IQCJ: variants seen among roughly 807,000 people sequenced by gnomAD.
IQCJ encodes the protein IQ domain-containing protein J.
Under a neutral mutation model 11.0 loss-of-function variants are expected in IQCJ, and 9 were observed. The ratio of observed to expected loss-of-function variants is 0.82; its 90% CI spans 0.49 to 1.43. The LOEUF (loss-of-function observed/expected upper bound fraction) is 1.43. Among genes scored for constraint, IQCJ ranks in the 40% most tolerant of loss-of-function variants. The pLI is 0.00. For synonymous variants in IQCJ, 55 were observed against 51.3 expected (o/e 1.07, Z -0.31); for missense variants, 146 against 133.2 (o/e 1.10, Z -0.47).
chr3:159,257,504 G>A (rs1188921331), intron 3 of IQCJ, among the ~76,000 whole-genome samples: 6 of 152,160 alleles, frequency 3.9e-5, no homozygotes, highest in Non-Finnish European at 7.3e-5. Context: ...GCCCTGGTGC[G>A]TAGGAAGCAT....
chr3:159,244,592 C>A (rs1727136585), intron 1 of IQCJ, among the ~76,000 whole-genome samples: 1 of 152,062 alleles, frequency 6.6e-6, no homozygotes, highest in Non-Finnish European at 1.5e-5. Flanking sequence ...TTAGTTAGAA[C>A]AACATAATTA....
chr3:159,109,760 G>A (rs546811666), intron 1 of IQCJ, among the ~76,000 whole-genome samples: 1 of 152,148 alleles, frequency 6.6e-6, no homozygotes, highest in East Asian at 1.9e-4. Context: ...GACTGCAAAA[G>A]GATTTTGTCT....
downstream of IQCJ, chr3:159,266,230 C>T (rs945404942): frequency 7.9e-5 from 12 of 152,270 alleles, no homozygotes; most frequent in African/African-American, 2.9e-4. Flanking sequence ...TTTTATTCTT[C>T]CACTATATTA....
intron 1 of IQCJ, among the ~76,000 whole-genome samples, chr3:159,117,054 T>C (rs1042228075): frequency 6.6e-6 from 1 of 152,222 alleles, no homozygotes; most frequent in Non-Finnish European, 1.5e-5. Context: ...ATTTTTGTTA[T>C]ACTACTCTTC....
chr3:159,173,142 C>A (rs1722587316), intron 1 of IQCJ, among the ~76,000 whole-genome samples: 1 of 152,168 alleles, frequency 6.6e-6, no homozygotes, highest in Admixed American at 6.5e-5. Context: ...TTTGGCCATG[C>A]CATCTTTAGG....
At chr3:159,237,872 T>C (rs1260398891) in intron 1 of IQCJ, among the ~76,000 whole-genome samples, 1 of 152,184 alleles carries the variant, frequency 6.6e-6, no homozygotes, top group Non-Finnish European at 1.5e-5. Context: ...GTTAAGTTTA[T>C]TGGTTTATAG....
intron 1 of IQCJ, among the ~76,000 whole-genome samples, chr3:159,086,091 G>C (rs1255990551): frequency 1.3e-5 from 2 of 152,246 alleles, no homozygotes; most frequent in Non-Finnish European, 2.9e-5. Context: ...ATTGATTTTT[G>C]TATAAGGTGT....
intron 1 of IQCJ, among the ~76,000 whole-genome samples, chr3:159,222,961 T>G (rs1432697178): frequency 1.1e-4 from 16 of 151,960 alleles, no homozygotes; most frequent in Admixed American, 1.0e-3. Context: ...GTGCAGAAAG[T>G]GTATGTGACT....
chr3:159,102,242 A>G (rs1157716403), intron 1 of IQCJ, among the ~76,000 whole-genome samples: 3 of 152,228 alleles, frequency 2.0e-5, no homozygotes, highest in African/African-American at 7.2e-5. Flanking sequence ...TTCTCTTTGC[A>G]GTAGTCACTG....
intron 1 of IQCJ, among the ~76,000 whole-genome samples, chr3:159,095,260 A>T (rs187343774): frequency 2.6e-4 from 40 of 152,020 alleles, no homozygotes; most frequent in Admixed American, 2.2e-3. Flanking sequence ...TTAAAATAGT[A>T]AATGTGTATA....
chr3:159,225,333 G>A (rs191386575), intron 1 of IQCJ, among the ~76,000 whole-genome samples: 7 of 152,168 alleles, frequency 4.6e-5, no homozygotes, highest in South Asian at 2.1e-4. Flanking sequence ...TTAAAATAAC[G>A]AAATCATAGA....
chr3:159,151,782 C>G lies in IQCJ; in HGVS notation c.9+82341C>G, dbSNP rs1170061489. Among the ~76,000 whole-genome samples the G allele has an allele frequency of 2.0e-5, 3 of 152,274 alleles. No homozygotes were observed. The East Asian group carries it at 5.8e-4, about 29-fold the overall frequency. ...TCCTGAGCAGCTGGGACTACAGGTG[C>G]CTGCCACCACGTTTGCCTAATTTTT... On this transcript the variant is annotated intron_variant, in intron 1 of 3. Transcript: ENST00000397832.
At chr3:159,076,361 A>G (rs1399063897) in intron 1 of IQCJ, among the ~76,000 whole-genome samples, 2 of 152,142 alleles carry the variant, frequency 1.3e-5, no homozygotes, top group South Asian at 2.1e-4. Flanking sequence ...ATATGTAATT[A>G]AATATACATG....
chr3:159,216,791 C>G (rs1725259405), intron 1 of IQCJ, among the ~76,000 whole-genome samples: 1 of 152,018 alleles, frequency 6.6e-6, no homozygotes, highest in Non-Finnish European at 1.5e-5. Context: ...GAGGTGTTAT[C>G]AAAACAACCC....
intron 1 of IQCJ, among the ~76,000 whole-genome samples, chr3:159,237,676 G>A (rs1420404839): frequency 6.6e-6 from 1 of 152,164 alleles, no homozygotes; most frequent in Non-Finnish European, 1.5e-5. Context: ...CTTGTATTTT[G>A]CAGAGAGGTC....
chr3:159,242,084 C>A (rs1044226166), intron 1 of IQCJ, among the ~76,000 whole-genome samples: 4 of 152,094 alleles, frequency 2.6e-5, no homozygotes, highest in African/African-American at 9.7e-5. Flanking sequence ...GATAAATGAT[C>A]TAAAAGGGAG....
At chr3:159,256,159 C>T (rs908411719) in intron 3 of IQCJ, among the ~76,000 whole-genome samples, 2 of 152,192 alleles carry the variant, frequency 1.3e-5, no homozygotes, top group Admixed American at 6.5e-5. Flanking sequence ...TAGCTATGTG[C>T]GATCCCCCAA....
chr3:159,197,271 C>T (rs2108055584), intron 1 of IQCJ, among the ~76,000 whole-genome samples: 1 of 152,278 alleles, frequency 6.6e-6, no homozygotes, highest in South Asian at 2.1e-4. Flanking sequence ...ATACTAAAAT[C>T]CAATCAGTTG....
chr3:159,147,601 C>A (rs2108195165), intron 1 of IQCJ, among the ~76,000 whole-genome samples: 1 of 152,266 alleles, frequency 6.6e-6, no homozygotes, highest in African/African-American at 2.4e-5. Flanking sequence ...CAACAATTTT[C>A]TTTCTTTCTG....
Sources: gnomAD v4.1 joint callset for allele counts (sites outside exome capture counted in the v4.1 genomes callset) on GRCh38, gnomAD v4.1.1 for gene constraint, MANE v1.5 for transcripts, NCBI Gene and HGNC (gene_info 2026-07-23, HGNC 2026-07-21) for gene names.